SYTL2: variants seen among roughly 807,000 people sequenced by gnomAD.
SYTL2 encodes synaptotagmin like 2.
In SYTL2, 165 loss-of-function variants were observed where a neutral mutation model predicts 198.7. The observed-to-expected ratio is 0.83, with a 90% CI of 0.73 to 0.94. The LOEUF is 0.94. Ranked by LOEUF, SYTL2 falls within the 40% of genes least tolerant of loss-of-function variation. The probability of loss-of-function intolerance (pLI) is 0.00; values close to 1 mark genes in which losing one functional copy is unlikely to be tolerated. For synonymous variants in SYTL2, 966 were observed against 917.7 expected (o/e 1.05, Z -0.95); for missense variants, 2,835 against 2,582.8 (o/e 1.10, Z -2.12).
chr11:85,825,872 C>T, the SYTL2 span, among the ~76,000 whole-genome samples: 1 of 152,258 alleles, frequency 6.6e-6, no homozygotes, highest in East Asian at 1.9e-4. Context: ...TCATAGGGAT[C>T]TTGTGAGAAT....
At position 85,734,369 on chromosome 11, in the gene SYTL2, G is replaced by A. The variant is rs752926712; in HGVS notation, c.960C>T (p.Asp320=). Residue 320 remains aspartate (D), a synonymous_variant, in exon 7 of 20, where the codon GAC becomes GAT. Coordinates refer to ENST00000359152, the MANE Select transcript of SYTL2 (RefSeq NM_206927.4). ...GCTCCAGGGAGTTTGGGGAAGAGTT[G>A]TCTTCTAAAGAATGCTCCTTCTCAG... ...RISEKEHSLE[D]NSSPNSLEPL... 6.2e-7 allele frequency: 1 copy of A among 1,614,200 alleles called. No homozygotes were observed. The highest frequency in any genetic ancestry group is 8.5e-7 in the Non-Finnish European group (1 of 1,180,020).
At chr11:85,748,154 T>TTC in intron 3 of SYTL2, 118 bp downstream of exon 3, 1 of 1,198,826 alleles carries the variant, frequency 8.3e-7, no homozygotes, top group Non-Finnish European at 1.2e-6. Flanking sequence ...GGCCACACAT[T>TTC]ATGAAAAGTG....
At chr11:85,696,820 A>G (rs2083475323) in intron 18 of SYTL2, among the ~76,000 whole-genome samples, 1 of 152,260 alleles carries the variant, frequency 6.6e-6, no homozygotes, top group Non-Finnish European at 1.5e-5. Context: ...ATTTGCAAGC[A>G]CAGGCTATCC....
At chr11:85,829,059 T>TTTG in the SYTL2 span, among the ~76,000 whole-genome samples, 3 of 149,520 alleles carry the variant, frequency 2.0e-5, no homozygotes, top group East Asian at 1.9e-4. Flanking sequence ...GTTTTTTTTT[T>TTTG]TTTGTTTGTT....
At chr11:85,832,301 T>C in the SYTL2 span, among the ~76,000 whole-genome samples, 1 of 152,214 alleles carries the variant, frequency 6.6e-6, no homozygotes, top group Admixed American at 6.5e-5. Flanking sequence ...AACAAGACTT[T>C]GAGACATTAA....
At position 85,709,468 on chromosome 11, in the gene SYTL2, T is replaced by A. The variant is rs779788529; in HGVS notation, c.5778A>T (p.Gly1926=). Residue 1926 remains glycine, a synonymous_variant, in exon 14 of 20, where the codon GGA becomes GGT. Transcript: ENST00000359152. ...CTTTAACTTCCAGATTGCCAAAGTCTCCACTATAAACACTCATCACACTGC... is the reference window on the plus strand; with the variant it reads ...CTTTAACTTCCAGATTGCCAAAGTCACCACTATAAACACTCATCACACTGC... ...VSGSVMSVYS[G]DFGNLEVKGN... The A allele has an allele frequency of 8.1e-6, 13 of 1,614,014 alleles. No homozygotes were observed. Among genetic ancestry groups the A allele is most frequent in the Non-Finnish European group, 1.1e-5 (13 of 1,180,020 alleles).
At position 85,700,552 on chromosome 11, in the gene SYTL2, C is replaced by A. The variant is rs1325361327; in HGVS notation, c.6231G>T (p.Met2077Ile). ...VALEAENRGE[M>I]KLALQYVPEP... ...CTGGGACATACTGGAGAGCTAGTTT[C>A]ATTTCACCTCTGTTTTCTGCTTCAA... The change falls in exon 17 of 20, where the codon ATG becomes ATT. Residue 2077 changes from methionine to isoleucine, a missense_variant. Physicochemically the swap from Met to Ile is conservative, Grantham distance 10. Around this residue, in one of 3 missense-constraint regions of SYTL2, gnomAD observed 5 missense variants for 19.1 expected, o/e 0.26. Coordinates refer to ENST00000359152, the MANE Select transcript of SYTL2 (RefSeq NM_206927.4). 2.5e-6 allele frequency: 4 copies of A among 1,614,004 alleles called. No individual in the cohort carries two copies. Among genetic ancestry groups the A allele is most frequent in the East Asian group, 4.5e-5 (2 of 44,870 alleles).
intron 1 of SYTL2, among the ~76,000 whole-genome samples, chr11:85,770,179 T>C (rs1028387806): frequency 6.6e-6 from 1 of 152,198 alleles, no homozygotes; most frequent in Non-Finnish European, 1.5e-5. Flanking sequence ...TACAAATCCC[T>C]AGCATGCTGC....
rs769784005 is a variant in SYTL2 at position 85,724,100 on chromosome 11, CCTT to C, written c.5255_5257del (p.Glu1752del). On this transcript the variant is annotated inframe_deletion, in exon 8 of 20. Transcript: ENST00000359152. ...ATCTGAAAAATCAGACTCAGAGAAA[CCTT>C]CTTTTTCTTCCTCTTTCTCTTGTTT... 1.6e-5 allele frequency: 25 copies of C among 1,579,418 alleles called. No individual in the cohort carries two copies. Among genetic ancestry groups the C allele is most frequent in the South Asian group, 9.6e-5 (8 of 83,722 alleles).
rs552666061 is a variant in SYTL2, at chr11:85,774,504, A to C, written c.-389-16390T>G. 4.2e-4 allele frequency among the ~76,000 whole-genome samples: 64 copies of C among 152,364 alleles called. No individual in the cohort carries two copies. The Middle Eastern group carries it at 0.01, about 24-fold the overall frequency. The stretch of plus-strand genomic sequence containing the variant: ...GCCCTGCAAAGGAACCCCAAGAGGC[A>C]AACAGGAGCTGGGGTTTCCCTCAAA... On this transcript the variant is annotated intron_variant, in intron 1 of 19. Transcript: ENST00000359152.
At chr11:85,714,327 A>G (rs147797655) in intron 12 of SYTL2, 86 bp downstream of exon 12, 40 of 1,080,178 alleles carry the variant, frequency 3.7e-5, no homozygotes, top group Non-Finnish European at 5.5e-5. Flanking sequence ...GATCTCTGCC[A>G]CAGTGGAATA....
At chr11:85,805,387 T>C (rs1476246358) in intron 1 of SYTL2, among the ~76,000 whole-genome samples, 1 of 151,292 alleles carries the variant, frequency 6.6e-6, no homozygotes, top group African/African-American at 2.4e-5. Flanking sequence ...ACTCAAATGC[T>C]AGTCTAAAAC....
At chr11:85,714,302 C>T (rs1444658442) in intron 12 of SYTL2, 111 bp downstream of exon 12, 2 of 832,088 alleles carry the variant, frequency 2.4e-6, no homozygotes, top group East Asian at 2.6e-5. Flanking sequence ...AAGGGCCAGT[C>T]CTTCTGACCT....
At chr11:85,782,324 G>T (rs957731264) in intron 1 of SYTL2, among the ~76,000 whole-genome samples, 3 of 152,166 alleles carry the variant, frequency 2.0e-5, no homozygotes, top group Admixed American at 6.5e-5. Flanking sequence ...AAGTCCTAGA[G>T]GCTGCACACA....
chr11:85,753,059 G>A (rs1213339673), intron 2 of SYTL2, among the ~76,000 whole-genome samples: 1 of 151,772 alleles, frequency 6.6e-6, no homozygotes, highest in Non-Finnish European at 1.5e-5. Context: ...TGTGTATATG[G>A]GGGTGGGGGA....
At chr11:85,760,938 G>A (rs190224534) in intron 1 of SYTL2, among the ~76,000 whole-genome samples, 1 of 152,294 alleles carries the variant, frequency 6.6e-6, no homozygotes. Flanking sequence ...AGAGCCCTCA[G>A]AGGGCAATCA....
intron 1 of SYTL2, 134 bp from the exon 2 acceptor site, chr11:85,758,248 T>G (rs2091970573): frequency 6.5e-6 from 1 of 152,782 alleles, no homozygotes; most frequent in Non-Finnish European, 1.5e-5. Flanking sequence ...GCCAGCTTCC[T>G]GAGCAAATGG....
rs1351547493 is a variant in SYTL2, at chr11:85,727,467, A to G, written c.1891T>C (p.Leu631=). 17 of 1,536,126 alleles carry G rather than the reference A, an allele frequency of 1.1e-5. No homozygotes were observed. Among genetic ancestry groups the G allele is most frequent in the South Asian group, 4.8e-5 (4 of 84,034 alleles). ...GTGCCATAGCTTTCAAATGGTTGCA[A>G]TATACCTGGGCCTTCCTTTGGGGTG... The part of the protein sequence containing the change: ...KGTPKEGPGI[L]QPFESYGTPS... Residue 631 remains leucine (L), a synonymous_variant, in exon 8 of 20, where the codon TTG becomes CTG. Coordinates refer to ENST00000359152, the MANE Select transcript of SYTL2 (RefSeq NM_206927.4).
At chr11:85,849,142 A>G in the SYTL2 span, among the ~76,000 whole-genome samples, 1 of 152,128 alleles carries the variant, frequency 6.6e-6, no homozygotes, top group East Asian at 1.9e-4. Flanking sequence ...TCTTAAGAGA[A>G]TATTTTCTTG....
Sources: gnomAD v4.1 joint callset for allele counts (sites outside exome capture counted in the v4.1 genomes callset) on GRCh38, gnomAD v4.1.1 for gene constraint, gnomAD v4.1.1 regional missense constraint, MANE v1.5 for transcripts, NCBI Gene and HGNC (gene_info 2026-07-23, HGNC 2026-07-21) for gene names.